The following ENPP4 variants were observed in gnomAD, a reference collection of about 807,000 sequenced individuals.
ENPP4 encodes bis(5'-adenosyl)-triphosphatase ENPP4.
ENPP4 carries 18 observed loss-of-function variants against 33.4 expected under a neutral mutation model. The observed-to-expected ratio is 0.54, with a 90% CI of 0.37 to 0.80. The LOEUF is 0.80. Among genes scored for constraint, ENPP4 ranks in the 30% least tolerant of loss-of-function variants. ENPP4 has a pLI of 0.00. For synonymous variants in ENPP4, 172 were observed against 189.9 expected (o/e 0.91, Z 0.78); for missense variants, 480 against 541.7 (o/e 0.89, Z 1.13).
chr6:46,140,368 T>C lies in ENPP4; in HGVS notation c.785T>C (p.Leu262Pro). The change falls in exon 2 of 4, where the codon CTT becomes CCT. Residue 262 changes from leucine to proline, a missense_variant. Coordinates refer to ENST00000321037, the MANE Select transcript of ENPP4 (RefSeq NM_014936.5). ...DSCIDHSYYT[L>P]IDLSPVAAIL... ...TGCATCGATCATTCATACTACACTC[T>C]TATAGATTTGAGCCCAGTTGCTGCA... The C allele has an allele frequency of 2.5e-6, 4 of 1,597,034 alleles. No homozygotes were observed. Among genetic ancestry groups the C allele is most frequent in the Non-Finnish European group, 2.6e-6 (3 of 1,174,210 alleles).
In ENPP4 at chr6:46,143,455, A is replaced by G; in HGVS notation, c.1177A>G (p.Lys393Glu). The G allele has an allele frequency of 6.2e-7, 1 of 1,612,784 alleles. No individual in the cohort carries two copies. Among genetic ancestry groups the G allele is most frequent in the African/African-American group, 1.3e-5 (1 of 74,914 alleles). ...HPNNGTFGHT[K>E]CLLVDQWCIN... The stretch of plus-strand genomic sequence containing the variant: ...CAATAATGGGACCTTTGGTCATACT[A>G]AGTGCTTGTTAGTTGACCAGTGGTG... The change falls in exon 4 of 4, where the codon AAG (lysine) becomes GAG (glutamate). Residue 393 changes from lysine to glutamate, a missense_variant. This residue lies in a region of ENPP4 where 249 missense variants were observed against 251.8 expected (regional missense o/e 0.99). Coordinates refer to ENST00000321037, the MANE Select transcript of ENPP4 (RefSeq NM_014936.5).
chr6:46,144,703 G>T lies in ENPP4; in HGVS notation c.*1063G>T. 1 of 353,032 alleles carries T rather than the reference G, an allele frequency of 2.8e-6. No individual in the cohort carries two copies. The highest frequency in any genetic ancestry group is 5.1e-6 in the Non-Finnish European group (1 of 197,676). The allele number at this position is 353,032 out of a possible 1,614,324, so 21.9% of individuals were successfully genotyped here. ...AATCTCAATTTGACTGGGACAGAATGAGGAATGGAGATTTTTGTATTTATC... is the reference window on the plus strand; with the variant it reads ...AATCTCAATTTGACTGGGACAGAATTAGGAATGGAGATTTTTGTATTTATC... On this transcript the variant is annotated 3_prime_UTR_variant, in exon 4 of 4. Coordinates refer to ENST00000321037, the MANE Select transcript of ENPP4 (RefSeq NM_014936.5).
At chr6:46,137,719 G>T (rs370640886) in intron 1 of ENPP4, among the ~76,000 whole-genome samples, 1 of 151,768 alleles carries the variant, frequency 6.6e-6, no homozygotes, top group East Asian at 1.9e-4. Flanking sequence ...CATTAGTTTT[G>T]GTTATTAGGG....
chr6:46,143,305 C>T lies in ENPP4; in HGVS notation c.1027C>T (p.Pro343Ser). The T allele has an allele frequency of 6.3e-7, 1 of 1,598,984 alleles. No individual in the cohort carries two copies. Among genetic ancestry groups the T allele is most frequent in the Non-Finnish European group, 8.6e-7 (1 of 1,169,498 alleles). Residue 343 changes from proline to serine, a missense_variant, in exon 4 of 4, where the codon CCT becomes TCT. Physicochemically the swap from Pro to Ser is moderately conservative, Grantham distance 74. Coordinates refer to ENST00000321037, the MANE Select transcript of ENPP4 (RefSeq NM_014936.5). ...LGDHGYDNSL[P>S]SMHPFLAAHG... ...TGACCATGGTTATGATAATTCTTTGCCTAGTATGCATCCATTTCTAGCTGC... is the reference window on the plus strand; with the variant it reads ...TGACCATGGTTATGATAATTCTTTGTCTAGTATGCATCCATTTCTAGCTGC...
intron 1 of ENPP4, among the ~76,000 whole-genome samples, chr6:46,131,939 G>A (rs1044231772): frequency 2.4e-4 from 37 of 151,886 alleles, no homozygotes; most frequent in Non-Finnish European, 4.4e-4. Context: ...TGTGTTTTTT[G>A]GCTGCATAAA....
At chr6:46,132,589 G>T (rs1479305095) in intron 1 of ENPP4, among the ~76,000 whole-genome samples, 1 of 152,206 alleles carries the variant, frequency 6.6e-6, no homozygotes, top group African/African-American at 2.4e-5. Context: ...CAGGTAGTGT[G>T]ATGCCTCCAG....
intron 1 of ENPP4, among the ~76,000 whole-genome samples, chr6:46,138,589 C>G (rs971893600): frequency 6.6e-6 from 1 of 151,800 alleles, no homozygotes; most frequent in Non-Finnish European, 1.5e-5. Flanking sequence ...CTCTCTTCAC[C>G]TCCAGCCCTC....
rs374468073 is a variant in ENPP4 at position 46,132,569 on chromosome 6, C to A, written c.-34+2380C>A. Among the ~76,000 whole-genome samples, 24 of 152,176 alleles carry A rather than the reference C, an allele frequency of 1.6e-4. 1 individual carries two copies. In the South Asian group the frequency reaches 2.1e-3, roughly 13 times the overall value. ...TTTGGTTACTGTGGACTTGTAGTAT[C>A]GTTTGAAGTCAGGTAGTGTGATGCC... On this transcript the variant is annotated intron_variant, in intron 1 of 3. Transcript: ENST00000321037.
intron 3 of ENPP4, among the ~76,000 whole-genome samples, 196 bp from the exon 4 acceptor site, chr6:46,143,080 G>T (rs1244403377): frequency 7.1e-6 from 1 of 140,522 alleles, no homozygotes; most frequent in African/African-American, 2.7e-5. Context: ...GGGAAAAGGG[G>T]CATATGTGTG....
At chr6:46,130,767 A>G (rs1442425432) in intron 1 of ENPP4, among the ~76,000 whole-genome samples, 1 of 152,208 alleles carries the variant, frequency 6.6e-6, no homozygotes, top group African/African-American at 2.4e-5. Flanking sequence ...CAACCACCCT[A>G]TGAGATCATA....
intron 2 of ENPP4, 70 bp from the exon 3 acceptor site, chr6:46,140,982 T>G (rs1452097629): frequency 1.1e-6 from 1 of 938,222 alleles, no homozygotes. Flanking sequence ...CTTCCAATTA[T>G]TCTAGTTAGA....
At chr6:46,138,795 A>G (rs1211458247) in intron 1 of ENPP4, among the ~76,000 whole-genome samples, 1 of 151,958 alleles carries the variant, frequency 6.6e-6, no homozygotes, top group Non-Finnish European at 1.5e-5. Context: ...TTAAAGAAAG[A>G]ACAAAAAATC....
Position 46,139,898 on chromosome 6 carries a change from T to G in ENPP4, c.315T>G (p.Ser105=), listed in dbSNP as rs774002663. 9 of 1,612,792 alleles carry G rather than the reference T, an allele frequency of 5.6e-6. No individual in the cohort carries two copies. The highest frequency in any genetic ancestry group is 1.3e-5 in the African/African-American group (1 of 74,840). The change falls in exon 2 of 4, where the codon TCT becomes TCG. Residue 105 remains serine (S), a synonymous_variant. Transcript: ENST00000321037. ...DAVTKKHFSD[S]NDKDPFWWNE... ...TCACAAAGAAACACTTTTCTGACTC[T>G]AATGACAAGGATCCTTTTTGGTGGA... is the stretch of plus-strand genomic sequence containing the variant.
intron 1 of ENPP4, among the ~76,000 whole-genome samples, chr6:46,131,571 G>C (rs1562057920): frequency 6.6e-6 from 1 of 152,096 alleles, no homozygotes; most frequent in Non-Finnish European, 1.5e-5. Flanking sequence ...TGGACATTTG[G>C]CTTGGTTCCA....
At chr6:46,142,543 A>G (rs180704982) in intron 3 of ENPP4, among the ~76,000 whole-genome samples, 1 of 149,374 alleles carries the variant, frequency 6.7e-6, no homozygotes, top group Non-Finnish European at 1.5e-5. Flanking sequence ...GCTTTTTGTC[A>G]TATTGGTTAT....
At chr6:46,137,367 G>A (rs572916501) in intron 1 of ENPP4, among the ~76,000 whole-genome samples, 1 of 151,898 alleles carries the variant, frequency 6.6e-6, no homozygotes, top group South Asian at 2.1e-4. Context: ...TTTGGATATG[G>A]GGAACTATAC....
At chr6:46,133,723 C>G (rs1416413353) in intron 1 of ENPP4, among the ~76,000 whole-genome samples, 2 of 152,164 alleles carry the variant, frequency 1.3e-5, no homozygotes, top group African/African-American at 4.8e-5. Context: ...TATACTGTAA[C>G]AGTTTCATTC....
chr6:46,143,571 A>G lies in ENPP4; in HGVS notation c.1293A>G (p.Arg431=), dbSNP rs758747506. ...GCCTCATAATAATCATGCAGAATAG[A>G]CTTTCTGTACCTCGTCCATTTTCTC... ...LTCLIIIMQN[R]LSVPRPFSRL... Residue 431 remains arginine, a synonymous_variant, in exon 4 of 4, where the codon AGA becomes AGG. Coordinates refer to ENST00000321037, the MANE Select transcript of ENPP4 (RefSeq NM_014936.5). The G allele has an allele frequency of 1.2e-6, 2 of 1,612,294 alleles. No homozygotes were observed. Among genetic ancestry groups the G allele is most frequent in the South Asian group, 2.2e-5 (2 of 91,010 alleles).
chr6:46,143,606 T>A lies in ENPP4; in HGVS notation c.1328T>A (p.Leu443Gln), dbSNP rs2127493282. The change falls in exon 4 of 4, where the codon CTA (leucine) becomes CAA (glutamine). Residue 443 changes from leucine to glutamine, a missense_variant. Physicochemically the swap from Leu to Gln is moderately radical, Grantham distance 113 (BLOSUM62 -2). Transcript: ENST00000321037. The stretch of plus-strand genomic sequence containing the variant: ...CCTCGTCCATTTTCTCGACTTCAGC[T>A]ACAAGAAGATGATGATGATCCTTTA... ...SVPRPFSRLQLQEDDDDPLIG is the reference protein window; with the variant it reads ...SVPRPFSRLQQQEDDDDPLIG 6.2e-7 allele frequency: 1 copy of A among 1,611,754 alleles called. No individual in the cohort carries two copies. The highest frequency in any genetic ancestry group is 1.7e-4 in the Middle Eastern group (1 of 6,040).
Sources: allele counts gnomAD v4.1 joint callset (sites outside exome capture counted in the v4.1 genomes callset), GRCh38; gene constraint gnomAD v4.1.1; regional missense constraint gnomAD v4.1.1; transcripts MANE v1.5; gene names NCBI Gene and HGNC (gene_info 2026-07-23, HGNC 2026-07-21).